The following HS6ST3 variants were observed in gnomAD, a reference collection of about 807,000 sequenced individuals.
HS6ST3 encodes heparan-sulfate 6-O-sulfotransferase 3.
HS6ST3 carries 12 observed loss-of-function variants against 36.7 expected under a neutral mutation model. The observed-to-expected ratio is 0.33, with a 90% CI of 0.21 to 0.53. HS6ST3 has a LOEUF of 0.53. HS6ST3 is among the 20% of genes least tolerant of loss of function. The pLI, the probability that HS6ST3 is intolerant of heterozygous loss-of-function variation, is 0.95. For missense variants in HS6ST3, 584 were observed against 640.9 expected (o/e 0.91, Z 0.96); for synonymous variants, 240 against 257.5 (o/e 0.93, Z 0.65).
At chr13:96,713,441 G>A (rs1356161147) in intron 1 of HS6ST3, among the ~76,000 whole-genome samples, 2 of 152,052 alleles carry the variant, frequency 1.3e-5, no homozygotes, top group African/African-American at 4.8e-5. Context: ...TTATTTACCT[G>A]GCAAGGCTTA....
At chr13:96,220,442 C>T (rs1291116445) in intron 1 of HS6ST3, among the ~76,000 whole-genome samples, 1 of 152,166 alleles carries the variant, frequency 6.6e-6, no homozygotes. Context: ...AGTTATCTCA[C>T]AGTCATCCGA....
chr13:96,310,127 A>T (rs1192265008), intron 1 of HS6ST3, among the ~76,000 whole-genome samples: 1 of 152,194 alleles, frequency 6.6e-6, no homozygotes, highest in African/African-American at 2.4e-5. Flanking sequence ...TTATATGTGT[A>T]TAGTGAGTAT....
Position 96,094,385 on chromosome 13 carries a change from A to T in HS6ST3, c.707+2816A>T, listed in dbSNP as rs151030871. Among the ~76,000 whole-genome samples, 1,462 of 152,282 alleles carry T rather than the reference A, an allele frequency of 9.6e-3. 14 individuals are homozygous for T. Among genetic ancestry groups the T allele is most frequent in the South Asian group, 0.051 (244 of 4,824 alleles). ...CCACTCAAGGCCTTCTTCCTAAAAAACCATGAGGTCCGTTTCTTAGAGAAG... is the reference window on the plus strand; with the variant it reads ...CCACTCAAGGCCTTCTTCCTAAAAATCCATGAGGTCCGTTTCTTAGAGAAG... On this transcript the variant is annotated intron_variant, in intron 1 of 1. Coordinates refer to ENST00000376705, the MANE Select transcript of HS6ST3 (RefSeq NM_153456.4).
At chr13:96,739,257 G>GAA (rs1254246438) in intron 1 of HS6ST3, among the ~76,000 whole-genome samples, 1 of 151,186 alleles carries the variant, frequency 6.6e-6, no homozygotes, top group African/African-American at 2.4e-5. Context: ...GTGTGTGTGT[G>GAA]TGTGTGTGTG....
At chr13:96,112,583 ATATATAT>A (rs2053874591) in intron 1 of HS6ST3, among the ~76,000 whole-genome samples, 7 of 41,984 alleles carry the variant, frequency 1.7e-4, no homozygotes, top group African/African-American at 6.0e-4. Context: ...AAATAAATAT[ATATATAT>A]ATATATATAT....
At chr13:96,138,208 A>G (rs1317902920) in intron 1 of HS6ST3, among the ~76,000 whole-genome samples, 8 of 152,182 alleles carry the variant, frequency 5.3e-5, no homozygotes, top group Middle Eastern at 3.2e-3. Flanking sequence ...ATTTATGAAT[A>G]GCTTTACATG....
intron 1 of HS6ST3, among the ~76,000 whole-genome samples, chr13:96,734,724 G>T (rs1363029944): frequency 1.3e-5 from 2 of 152,138 alleles, no homozygotes; most frequent in African/African-American, 4.8e-5. Context: ...AAGATTATTT[G>T]CTAATGCAAA....
At chr13:96,650,020 C>T (rs765979362) in intron 1 of HS6ST3, among the ~76,000 whole-genome samples, 4 of 151,932 alleles carry the variant, frequency 2.6e-5, no homozygotes, top group Admixed American at 1.3e-4. Context: ...TAAAGACTCA[C>T]TTGGCTAATT....
intron 1 of HS6ST3, among the ~76,000 whole-genome samples, chr13:96,225,463 C>G (rs759480180): frequency 3.4e-4 from 51 of 152,236 alleles, no homozygotes; most frequent in Non-Finnish European, 6.9e-4. Context: ...AATCATCTTA[C>G]TTTGGAATAT....
At chr13:96,400,308 TACACACACACACACAC>T (rs10603063) in intron 1 of HS6ST3, among the ~76,000 whole-genome samples, 2 of 142,486 alleles carry the variant, frequency 1.4e-5, no homozygotes, top group Non-Finnish European at 3.1e-5. Context: ...GACACACAGA[TACACACACACACACAC>T]ACACACACAC....
chr13:96,784,097 G>GAAA (rs36068908), intron 1 of HS6ST3, among the ~76,000 whole-genome samples: 1 of 127,616 alleles, frequency 7.8e-6, no homozygotes. Flanking sequence ...TTCTTGCTGA[G>GAAA]AAAAAAAAAA....
chr13:96,360,170 C>G (rs1036361861), intron 1 of HS6ST3, among the ~76,000 whole-genome samples: 1 of 152,014 alleles, frequency 6.6e-6, no homozygotes, highest in African/African-American at 2.4e-5. Context: ...GGGGTGCTGG[C>G]ACAATCCAAC....
At chr13:96,820,478 G>A (rs146593661) in intron 1 of HS6ST3, among the ~76,000 whole-genome samples, 40 of 152,258 alleles carry the variant, frequency 2.6e-4, no homozygotes, top group Non-Finnish European at 2.9e-4. Flanking sequence ...GTTGAAGTGC[G>A]GAGTGTGTAT....
At chr13:96,805,746 T>C (rs1042865745) in intron 1 of HS6ST3, among the ~76,000 whole-genome samples, 3 of 152,218 alleles carry the variant, frequency 2.0e-5, no homozygotes, top group Non-Finnish European at 4.4e-5. Context: ...GAGCTTGATA[T>C]TTCTCCAGGA....
intron 1 of HS6ST3, among the ~76,000 whole-genome samples, chr13:96,590,970 T>C (rs571424174): frequency 6.6e-6 from 1 of 152,246 alleles, no homozygotes; most frequent in African/African-American, 2.4e-5. Flanking sequence ...TGTATGTTCT[T>C]GGTATCTTTG....
chr13:96,416,646 G>T (rs2055534172), intron 1 of HS6ST3, among the ~76,000 whole-genome samples: 1 of 139,634 alleles, frequency 7.2e-6, no homozygotes, highest in Non-Finnish European at 1.5e-5. Flanking sequence ...CTTTAGAACT[G>T]TAAACTGTAA....
At chr13:96,462,833 C>T (rs9516705) in intron 1 of HS6ST3, among the ~76,000 whole-genome samples, 1 of 152,128 alleles carries the variant, frequency 6.6e-6, no homozygotes, top group Non-Finnish European at 1.5e-5. Flanking sequence ...AGTTGCATTT[C>T]TAGATGCTAG....
chr13:96,336,847 A>G (rs1359665926), intron 1 of HS6ST3, among the ~76,000 whole-genome samples: 1 of 152,198 alleles, frequency 6.6e-6, no homozygotes, highest in African/African-American at 2.4e-5. Flanking sequence ...TTATTAAATT[A>G]TTCTTTGGGG....
intron 1 of HS6ST3, among the ~76,000 whole-genome samples, chr13:96,125,467 G>C (rs1227472506): frequency 1.3e-5 from 2 of 152,078 alleles, no homozygotes; most frequent in Non-Finnish European, 2.9e-5. Context: ...CTCATTTCCA[G>C]TTCTATCTTA....
Sources: allele counts gnomAD v4.1 joint callset (sites outside exome capture counted in the v4.1 genomes callset), GRCh38; gene constraint gnomAD v4.1.1; transcripts MANE v1.5; gene names NCBI Gene and HGNC (gene_info 2026-07-23, HGNC 2026-07-21).